The following TTC28 variants were observed in gnomAD, a reference collection of about 807,000 sequenced individuals.
The protein encoded by TTC28 is tetratricopeptide repeat domain 28, also known as tetratricopeptide repeat protein 28.
Under a neutral mutation model 198.0 loss-of-function variants are expected in TTC28, and 61 were observed. The ratio of observed to expected loss-of-function variants is 0.31; its 90% CI spans 0.25 to 0.38. The LOEUF (loss-of-function observed/expected upper bound fraction) is 0.38, where lower values mean the gene tolerates loss of function less well. TTC28 is among the 10% of genes least tolerant of loss of function. The pLI is 1.00. For synonymous variants in TTC28, 1,171 were observed against 1,297.8 expected, an observed-to-expected ratio of 0.90 and a Z score of 2.10; for missense variants, 2,678 against 3,164.0, an observed-to-expected ratio of 0.85 and a Z score of 3.69.
At chr22:28,155,125 T>C (rs1448952691) in intron 6 of TTC28, among the ~76,000 whole-genome samples, 3 of 152,246 alleles carry the variant, frequency 2.0e-5, no homozygotes, top group Admixed American at 2.0e-4. Flanking sequence ...ATTAGGATGA[T>C]GTTATCTTAA....
At chr22:28,210,182 C>T (rs182822755) in intron 5 of TTC28, among the ~76,000 whole-genome samples, 215 of 152,226 alleles carry the variant, frequency 1.4e-3, no homozygotes, top group African/African-American at 4.9e-3. Flanking sequence ...CACAAAGATG[C>T]GGAGACACCA....
chr22:28,535,315 T>A (rs2049242405), intron 2 of TTC28, among the ~76,000 whole-genome samples: 2 of 152,182 alleles, frequency 1.3e-5, no homozygotes. Flanking sequence ...TATTGAACAT[T>A]GACAACACCA....
intron 2 of TTC28, among the ~76,000 whole-genome samples, chr22:28,593,473 G>GTAGGTAGGTAGGTAGC (rs2050475459): frequency 1.9e-5 from 1 of 52,356 alleles, no homozygotes. Context: ...AGGTAGCTAG[G>GTAGGTAGGTAGGTAGC]TAGGTAGGTA....
intron 2 of TTC28, among the ~76,000 whole-genome samples, chr22:28,333,835 C>T (rs1462702273): frequency 1.3e-5 from 2 of 151,754 alleles, no homozygotes; most frequent in African/African-American, 4.8e-5. Context: ...GAAAAAAAAT[C>T]ACTGTATTTT....
chr22:28,100,403 T>C (rs1212775105), intron 9 of TTC28, among the ~76,000 whole-genome samples: 2 of 152,190 alleles, frequency 1.3e-5, no homozygotes, highest in Non-Finnish European at 2.9e-5. Context: ...ACTTTGAAAA[T>C]TGCAAATCAC....
intron 2 of TTC28, among the ~76,000 whole-genome samples, chr22:28,570,696 T>C (rs1332491812): frequency 1.3e-5 from 2 of 152,052 alleles, no homozygotes; most frequent in Non-Finnish European, 2.9e-5. Context: ...AAAATAAAAG[T>C]TGGAAAGAAA....
intron 2 of TTC28, among the ~76,000 whole-genome samples, chr22:28,546,146 A>G (rs1410156405): frequency 6.6e-6 from 1 of 152,276 alleles, no homozygotes; most frequent in Admixed American, 6.5e-5. Context: ...ATAAATCAAT[A>G]GAACAGAAGA....
At chr22:28,618,290 A>ATCAATCAG (rs1461736927) in intron 2 of TTC28, among the ~76,000 whole-genome samples, 1 of 152,068 alleles carries the variant, frequency 6.6e-6, no homozygotes, top group Admixed American at 6.5e-5. Flanking sequence ...CAATCAATCA[A>ATCAATCAG]TCAATCAATG....
chr22:28,293,181 AT>A (rs1705925509), intron 5 of TTC28, among the ~76,000 whole-genome samples: 1 of 152,188 alleles, frequency 6.6e-6, no homozygotes, highest in Admixed American at 6.5e-5. Context: ...ATTATTCACA[AT>A]AACCAAGATA....
chr22:27,985,480 G>A (rs1937178579), intron 21 of TTC28, 124 bp from the exon 22 acceptor site: 1 of 722,658 alleles, frequency 1.4e-6, no homozygotes, highest in African/African-American at 1.8e-5. Context: ...GCAAGCATTT[G>A]GGCCTGGGGC....
intron 2 of TTC28, among the ~76,000 whole-genome samples, chr22:28,581,576 T>C (rs998838871): frequency 2.6e-5 from 4 of 152,174 alleles, no homozygotes; most frequent in Non-Finnish European, 5.9e-5. Flanking sequence ...ACATACAATT[T>C]GAAATTTCAA....
rs140877612 is a variant in TTC28, at chr22:28,215,159, C to G, written c.934-51560G>C. 9.8e-3 allele frequency among the ~76,000 whole-genome samples: 1,495 copies of G among 152,208 alleles called. 22 individuals are homozygous for G. The highest frequency in any genetic ancestry group is 0.034 in the African/African-American group (1,415 of 41,514). On this transcript the variant is annotated intron_variant, in intron 5 of 22. Transcript: ENST00000397906. Reference sequence around the variant, plus strand: ...GGGTTGGGGGAGGGGAGAGGGATAGCATTAAGAGATATATCTAATGTAAAT... The same window carrying G: ...GGGTTGGGGGAGGGGAGAGGGATAGGATTAAGAGATATATCTAATGTAAAT...
chr22:28,524,416 C>T (rs541540212), intron 2 of TTC28, among the ~76,000 whole-genome samples: 3 of 149,500 alleles, frequency 2.0e-5, no homozygotes, highest in East Asian at 4.0e-4. Flanking sequence ...GCCGAGATCG[C>T]GCCACTGCAC....
At chr22:28,641,890 G>C (rs1348920409) in intron 1 of TTC28, among the ~76,000 whole-genome samples, 1 of 152,100 alleles carries the variant, frequency 6.6e-6, no homozygotes, top group Non-Finnish European at 1.5e-5. Context: ...AAATGCAGGA[G>C]ATAATAAATG....
chr22:28,473,692 T>C (rs938772923), intron 2 of TTC28, among the ~76,000 whole-genome samples: 12 of 152,244 alleles, frequency 7.9e-5, no homozygotes, highest in African/African-American at 2.7e-4. Flanking sequence ...CACCACTGCA[T>C]GCCCTTGAAT....
At chr22:28,415,750 T>A (rs1224727408) in intron 2 of TTC28, among the ~76,000 whole-genome samples, 1 of 152,196 alleles carries the variant, frequency 6.6e-6, no homozygotes, top group Non-Finnish European at 1.5e-5. Flanking sequence ...GCTGTTCCAA[T>A]GAGAGGAAAG....
intron 2 of TTC28, among the ~76,000 whole-genome samples, chr22:28,536,287 T>C (rs1252965150): frequency 6.6e-6 from 1 of 151,318 alleles, no homozygotes; most frequent in Non-Finnish European, 1.5e-5. Context: ...AAGAATAAAG[T>C]TGGCAAAAAA....
intron 6 of TTC28, among the ~76,000 whole-genome samples, chr22:28,143,348 T>C (rs1211579164): frequency 6.6e-6 from 1 of 152,182 alleles, no homozygotes; most frequent in Admixed American, 6.5e-5. Flanking sequence ...AAAAGGGACA[T>C]ATCATTGAAA....
At chr22:28,117,318 T>G (rs1159848722) in intron 6 of TTC28, among the ~76,000 whole-genome samples, 6 of 152,202 alleles carry the variant, frequency 3.9e-5, no homozygotes, top group Non-Finnish European at 8.8e-5. Context: ...TTTGTTGTAT[T>G]AAGCCACTAA....
Sources: allele counts gnomAD v4.1 joint callset (sites outside exome capture counted in the v4.1 genomes callset), GRCh38; gene constraint gnomAD v4.1.1; transcripts MANE v1.5; gene names NCBI Gene and HGNC (gene_info 2026-07-23, HGNC 2026-07-21).